The following ZSWIM6 variants were observed in gnomAD, a reference collection of about 807,000 sequenced individuals.
ZSWIM6 encodes zinc finger SWIM domain-containing protein 6.
ZSWIM6 carries 9 observed loss-of-function variants against 113.2 expected under a neutral mutation model. The ratio of observed to expected loss-of-function variants is 0.08; its 90% CI spans 0.05 to 0.14. The LOEUF (loss-of-function observed/expected upper bound fraction) is 0.14, where lower values mean the gene tolerates loss of function less well. ZSWIM6 is among the 10% of genes least tolerant of loss of function. The pLI is 1.00. For missense variants in ZSWIM6, 1,162 were observed against 1,552.2 expected (o/e 0.75, Z 4.22); for synonymous variants, 611 against 606.5 (o/e 1.01, Z -0.11).
intron 1 of ZSWIM6, among the ~76,000 whole-genome samples, chr5:61,431,186 A>G (rs1468906477): frequency 1.3e-5 from 2 of 151,500 alleles, no homozygotes; most frequent in African/African-American, 2.4e-5. Flanking sequence ...CCTGGCCAAC[A>G]TGATGAAACC....
At chr5:61,463,771 C>A (rs10514909) in intron 1 of ZSWIM6, among the ~76,000 whole-genome samples, 17,952 of 152,122 alleles carry the variant, frequency 0.12, 1,352 homozygotes, top group Middle Eastern at 0.17. Flanking sequence ...GGGGCCAGAG[C>A]ATTTAGTTAT....
At chr5:61,345,638 C>T (rs184716187) in intron 1 of ZSWIM6, among the ~76,000 whole-genome samples, 1 of 152,270 alleles carries the variant, frequency 6.6e-6, no homozygotes, top group African/African-American at 2.4e-5. Context: ...CAAATGGAAA[C>T]GCTGATGATT....
intron 1 of ZSWIM6, among the ~76,000 whole-genome samples, chr5:61,443,983 C>T (rs939767874): frequency 6.6e-6 from 1 of 151,762 alleles, no homozygotes; most frequent in Non-Finnish European, 1.5e-5. Flanking sequence ...TTTTAGGGTA[C>T]GTGTGCACAA....
intron 1 of ZSWIM6, among the ~76,000 whole-genome samples, chr5:61,450,943 A>G (rs1329795759): frequency 6.6e-6 from 1 of 152,162 alleles, no homozygotes; most frequent in East Asian, 1.9e-4. Context: ...AGGTTTGTTT[A>G]TTTATTTAAG....
chr5:61,447,409 T>C (rs1413905409), intron 1 of ZSWIM6, among the ~76,000 whole-genome samples: 2 of 152,206 alleles, frequency 1.3e-5, no homozygotes, highest in African/African-American at 4.8e-5. Flanking sequence ...AAAGGTTGCT[T>C]TCCTCTCTCA....
intron 10 of ZSWIM6, 111 bp from the exon 11 acceptor site, chr5:61,538,703 G>T: frequency 8.1e-7 from 1 of 1,228,412 alleles, no homozygotes; most frequent in Non-Finnish European, 1.1e-6. Flanking sequence ...CTGAACTTGA[G>T]TAGAGGCCTG....
intron 8 of ZSWIM6, 24 bp from the exon 9 acceptor site, chr5:61,531,441 G>C (rs1024205736): frequency 6.5e-7 from 1 of 1,530,078 alleles, no homozygotes; most frequent in South Asian, 1.2e-5. Context: ...TCTGAGCTCT[G>C]ATTTCTTTTG....
intron 4 of ZSWIM6, among the ~76,000 whole-genome samples, chr5:61,510,639 A>G (rs1383556335): frequency 1.3e-5 from 2 of 152,068 alleles, no homozygotes; most frequent in African/African-American, 4.8e-5. Flanking sequence ...AACATGCTGG[A>G]TGTTAGAGAA....
At chr5:61,418,861 G>T (rs528054476) in intron 1 of ZSWIM6, among the ~76,000 whole-genome samples, 16 of 152,136 alleles carry the variant, frequency 1.1e-4, no homozygotes, top group Non-Finnish European at 2.9e-5. Flanking sequence ...TTGCCCTGTC[G>T]CCCAGGCTAG....
intron 11 of ZSWIM6, among the ~76,000 whole-genome samples, 181 bp downstream of exon 11, chr5:61,539,152 T>C (rs531401446): frequency 1.2e-3 from 189 of 152,366 alleles, no homozygotes; most frequent in Middle Eastern, 3.4e-3. Context: ...TTTACCTGCA[T>C]CATTAACTTG....
chr5:61,529,010 ATT>A (rs1749360005), intron 7 of ZSWIM6, among the ~76,000 whole-genome samples: 1 of 152,190 alleles, frequency 6.6e-6, no homozygotes, highest in African/African-American at 2.4e-5. Context: ...TATATTTTAT[ATT>A]GTATGTAAAT....
rs1749681645 is a variant in ZSWIM6, at chr5:61,539,778, T to C, written c.2703+19T>C. ...CCTGCAGGTACATGACTGGTAGTCT[T>C]TCCTGGGACATCAAAGACTGCTAAA... On this transcript the variant is annotated intron_variant, in intron 12 of 13. Transcript: ENST00000252744. 1.9e-6 allele frequency: 3 copies of C among 1,542,128 alleles called. No individual in the cohort carries two copies. Among genetic ancestry groups the C allele is most frequent in the Non-Finnish European group, 2.6e-6 (3 of 1,142,162 alleles).
chr5:61,413,896 A>T (rs1386212616), intron 1 of ZSWIM6, among the ~76,000 whole-genome samples: 1 of 134,136 alleles, frequency 7.5e-6, no homozygotes, highest in Non-Finnish European at 1.6e-5. Context: ...GAAATTAGAG[A>T]TGTTAAAGTG....
chr5:61,398,281 G>T (rs1489788952), intron 1 of ZSWIM6, among the ~76,000 whole-genome samples: 1 of 152,144 alleles, frequency 6.6e-6, no homozygotes, highest in Non-Finnish European at 1.5e-5. Flanking sequence ...TCTTATAGGA[G>T]GGTGAACCTT....
At chr5:61,476,517 T>C (rs1386638046) in intron 2 of ZSWIM6, among the ~76,000 whole-genome samples, 2 of 152,126 alleles carry the variant, frequency 1.3e-5, no homozygotes, top group African/African-American at 4.8e-5. Flanking sequence ...AATTAACCAC[T>C]ACATGCTAAA....
At chr5:61,496,752 T>G (rs931893934) in intron 4 of ZSWIM6, among the ~76,000 whole-genome samples, 1 of 152,102 alleles carries the variant, frequency 6.6e-6, no homozygotes, top group Non-Finnish European at 1.5e-5. Context: ...CACCGCGCCA[T>G]TACAGATCAT....
chr5:61,380,887 A>T (rs1745459066), intron 1 of ZSWIM6, among the ~76,000 whole-genome samples: 1 of 151,614 alleles, frequency 6.6e-6, no homozygotes, highest in Admixed American at 6.6e-5. Flanking sequence ...GATCGCTTGA[A>T]CCCAGGAGTT....
intron 1 of ZSWIM6, among the ~76,000 whole-genome samples, chr5:61,457,816 C>G (rs1173384810): frequency 6.6e-6 from 1 of 152,066 alleles, no homozygotes; most frequent in Non-Finnish European, 1.5e-5. Flanking sequence ...AGCCGCTGCA[C>G]CCAGCCCCAT....
At chr5:61,468,077 G>A (rs927310691) in intron 1 of ZSWIM6, among the ~76,000 whole-genome samples, 1 of 152,190 alleles carries the variant, frequency 6.6e-6, no homozygotes, top group Non-Finnish European at 1.5e-5. Flanking sequence ...CTTTACATAT[G>A]TTATTTCATT....
Sources: allele counts gnomAD v4.1 joint callset (sites outside exome capture counted in the v4.1 genomes callset), GRCh38; gene constraint gnomAD v4.1.1; transcripts MANE v1.5; gene names NCBI Gene and HGNC (gene_info 2026-07-23, HGNC 2026-07-21).